CDH12: variants seen among roughly 807,000 people sequenced by gnomAD.
CDH12 encodes cadherin 12.
Under a neutral mutation model 74.1 loss-of-function variants are expected in CDH12, and 41 were observed. The ratio of observed to expected loss-of-function variants is 0.55; its 90% confidence interval spans 0.43 to 0.72. The LOEUF is 0.72. CDH12 is among the 30% of genes least tolerant of loss of function. CDH12 has a pLI of 0.00. For missense variants in CDH12, 945 were observed against 977.2 expected, an observed-to-expected ratio of 0.97 and a Z score of 0.44; for synonymous variants, 399 against 355.0, an observed-to-expected ratio of 1.12 and a Z score of -1.39.
At chr5:22,134,906 A>C (rs1746368578) in intron 4 of CDH12, among the ~76,000 whole-genome samples, 1 of 151,768 alleles carries the variant, frequency 6.6e-6, no homozygotes, top group Non-Finnish European at 1.5e-5. Context: ...CCCCCCACCA[A>C]GCTGCTGAGC....
At chr5:22,343,342 AG>A (rs1739972185) in intron 3 of CDH12, among the ~76,000 whole-genome samples, 1 of 149,190 alleles carries the variant, frequency 6.7e-6, no homozygotes, top group African/African-American at 2.6e-5. Flanking sequence ...AGAGAGAGAG[AG>A]AGAGAGAGAG....
chr5:21,758,868 C>T (rs1048942294), intron 13 of CDH12, among the ~76,000 whole-genome samples: 2 of 152,082 alleles, frequency 1.3e-5, no homozygotes, highest in African/African-American at 4.8e-5. Flanking sequence ...GATACAGAAG[C>T]AGAAAACGAA....
intron 2 of CDH12, among the ~76,000 whole-genome samples, chr5:22,488,203 T>TC (rs1746688646): frequency 1.3e-5 from 2 of 152,224 alleles, no homozygotes; most frequent in Non-Finnish European, 2.9e-5. Context: ...CTGCCAATAT[T>TC]CGTTGTCTGC....
rs1377541069 is a variant in CDH12 at position 22,851,419 on chromosome 5, A to AT, written c.-523+1638dup. ...CTGAACAACACAGAAAATCAAAAAC[A>AT]TTTTTTTAATGGGGAAGGGGATTAA... is the stretch of plus-strand genomic sequence containing the variant. On this transcript the variant is annotated intron_variant, in intron 1 of 14. Coordinates refer to ENST00000382254, the MANE Select transcript of CDH12 (RefSeq NM_004061.5). Among the ~76,000 whole-genome samples, 27 of 152,128 alleles carry AT rather than the reference A, an allele frequency of 1.8e-4. No homozygotes were observed. The East Asian group carries it at 3.5e-3, about 20-fold the overall frequency.
At chr5:22,123,629 T>G (rs1466760455) in intron 4 of CDH12, among the ~76,000 whole-genome samples, 2 of 152,190 alleles carry the variant, frequency 1.3e-5, no homozygotes, top group Admixed American at 1.3e-4. Flanking sequence ...GATGATTGAT[T>G]TTTGTTTTTT....
At chr5:22,381,336 T>C (rs1211520118) in intron 3 of CDH12, among the ~76,000 whole-genome samples, 2 of 152,174 alleles carry the variant, frequency 1.3e-5, no homozygotes, top group African/African-American at 2.4e-5. Context: ...AAAGTGTCAA[T>C]ATTACTATAT....
At chr5:22,157,950 A>C (rs1294756677) in intron 4 of CDH12, among the ~76,000 whole-genome samples, 1 of 152,058 alleles carries the variant, frequency 6.6e-6, no homozygotes, top group Non-Finnish European at 1.5e-5. Flanking sequence ...TGAGATTCAA[A>C]TGTAATAATT....
chr5:22,835,769 C>T (rs1414117301), intron 1 of CDH12, among the ~76,000 whole-genome samples: 6 of 152,152 alleles, frequency 3.9e-5, no homozygotes, highest in Non-Finnish European at 1.5e-5. Flanking sequence ...GGGCAAATCT[C>T]CAGAAAGCTG....
rs114302044 is a variant in CDH12 at position 22,426,879 on chromosome 5, A to C, written c.-427-21528T>G. On this transcript the variant is annotated intron_variant, in intron 2 of 14. Transcript: ENST00000382254. Reference sequence around the variant, plus strand: ...ATGCATTTCCTACCTAAACAAACTAATTCTGATATTTCACAGAACAAAATG... The same window carrying C: ...ATGCATTTCCTACCTAAACAAACTACTTCTGATATTTCACAGAACAAAATG... Among the ~76,000 whole-genome samples the C allele has an allele frequency of 7.6e-3, 1,160 of 152,260 alleles. 13 individuals are homozygous for C. Among genetic ancestry groups the C allele is most frequent in the African/African-American group, 0.027 (1,108 of 41,544 alleles).
intron 1 of CDH12, among the ~76,000 whole-genome samples, chr5:22,670,396 A>T (rs1357552147): frequency 2.0e-5 from 3 of 152,148 alleles, no homozygotes; most frequent in African/African-American, 7.2e-5. Flanking sequence ...AAATAACATT[A>T]AGAATATAGA....
intron 2 of CDH12, among the ~76,000 whole-genome samples, chr5:22,496,676 C>T (rs904256394): frequency 6.6e-6 from 1 of 152,188 alleles, no homozygotes; most frequent in African/African-American, 2.4e-5. Context: ...ATGGAATCCA[C>T]GTTGTGATTC....
intron 4 of CDH12, among the ~76,000 whole-genome samples, chr5:22,172,959 T>C (rs1182170900): frequency 1.3e-5 from 2 of 151,578 alleles, no homozygotes; most frequent in Non-Finnish European, 3.0e-5. Context: ...ATACAGACAT[T>C]ACCCAAGACT....
chr5:22,289,117 A>C (rs965975724), intron 3 of CDH12, among the ~76,000 whole-genome samples: 1 of 152,178 alleles, frequency 6.6e-6, no homozygotes, highest in Non-Finnish European at 1.5e-5. Context: ...GGAATAAAGA[A>C]AGGGAAAAAC....
intron 11 of CDH12, among the ~76,000 whole-genome samples, chr5:21,768,259 A>G (rs1468759883): frequency 6.6e-6 from 1 of 151,818 alleles, no homozygotes; most frequent in Non-Finnish European, 1.5e-5. Context: ...CTCATATCAG[A>G]TAACAAATAA....
intron 2 of CDH12, among the ~76,000 whole-genome samples, chr5:22,462,966 A>G (rs2126589038): frequency 6.6e-6 from 1 of 152,334 alleles, no homozygotes; most frequent in Non-Finnish European, 1.5e-5. Context: ...AGAACAAAAT[A>G]TCATTAAATG....
chr5:22,409,964 T>C (rs1188300590), intron 2 of CDH12, among the ~76,000 whole-genome samples: 1 of 152,140 alleles, frequency 6.6e-6, no homozygotes, highest in Non-Finnish European at 1.5e-5. Context: ...GTGCGGATGA[T>C]GATTTCTACT....
At chr5:22,338,738 T>C (rs1451841858) in intron 3 of CDH12, among the ~76,000 whole-genome samples, 1 of 152,180 alleles carries the variant, frequency 6.6e-6, no homozygotes. Context: ...CCTTTAAACA[T>C]TTTAAAAATT....
chr5:22,367,861 G>A (rs1031524382), intron 3 of CDH12, among the ~76,000 whole-genome samples: 12 of 151,986 alleles, frequency 7.9e-5, no homozygotes, highest in African/African-American at 1.4e-4. Context: ...CATTGCATTC[G>A]TATAACAAAC....
chr5:22,306,404 A>G (rs1020442946), intron 3 of CDH12, among the ~76,000 whole-genome samples: 1 of 152,152 alleles, frequency 6.6e-6, no homozygotes, highest in Admixed American at 6.5e-5. Context: ...GAGAGATTAC[A>G]GAGACAGAGA....
Sources: allele counts gnomAD v4.1 joint callset (sites outside exome capture counted in the v4.1 genomes callset), GRCh38; gene constraint gnomAD v4.1.1; transcripts MANE v1.5; gene names NCBI Gene and HGNC (gene_info 2026-07-23, HGNC 2026-07-21).